Variants in ADGRG7 observed in about 807,000 individuals in gnomAD.
ADGRG7 encodes G-protein coupled receptor 128.
A neutral mutation model predicts 88.6 loss-of-function variants in ADGRG7; 82 were observed. That is an observed-to-expected ratio of 0.93 (90% confidence interval 0.77 to 1.11). ADGRG7 has a LOEUF of 1.11. Ranked by LOEUF, ADGRG7 falls within the 50% of genes most tolerant of loss-of-function variation. The probability of loss-of-function intolerance (pLI) is 0.00; values close to 1 mark genes in which losing one functional copy is unlikely to be tolerated. For synonymous variants in ADGRG7, 381 were observed against 345.2 expected (o/e 1.10, Z -1.15); for missense variants, 945 against 953.4 (o/e 0.99, Z 0.12).
In ADGRG7 at chr3:100,659,789, T is replaced by C. The variant is rs373950989; in HGVS notation, c.1925T>C (p.Met642Thr). 6.2e-6 allele frequency: 10 copies of C among 1,614,128 alleles called. No individual in the cohort carries two copies. The highest frequency in any genetic ancestry group is 1.3e-5 in the African/African-American group (1 of 75,058). ...ATTATCCTCATCAGCAATGTTGTTA[T>C]GTTTATTACAATCTCGATCAAAGTG... The part of the protein sequence containing the change: ...VTIILISNVV[M>T]FITISIKVLW... Residue 642 changes from methionine (M) to threonine (T), a missense_variant, in exon 14 of 16, where the codon ATG becomes ACG. Met to Thr is a moderately conservative substitution (Grantham distance 81). Coordinates refer to ENST00000273352, the MANE Select transcript of ADGRG7 (RefSeq NM_032787.3).
chr3:100,649,735 T>C lies in ADGRG7; in HGVS notation c.1307T>C (p.Ile436Thr), dbSNP rs372225356. ...KDYQYPKSLD[I>T]LSNVGCALSV... ...TATCAATATCCCAAATCACTTGACATATTATCCAACGTTGGATGTGCACTG... is the reference window on the plus strand; with the variant it reads ...TATCAATATCCCAAATCACTTGACACATTATCCAACGTTGGATGTGCACTG... The change falls in exon 11 of 16, where the codon ATA (isoleucine) becomes ACA (threonine). Residue 436 changes from isoleucine (I) to threonine (T), a missense_variant. Transcript: ENST00000273352. 3 of 1,610,316 alleles carry C rather than the reference T, an allele frequency of 1.9e-6. No homozygotes were observed. Among genetic ancestry groups the C allele is most frequent in the Non-Finnish European group, 2.5e-6 (3 of 1,177,176 alleles).
At chr3:100,677,858 A>G (rs1356536198) in intron 15 of ADGRG7, among the ~76,000 whole-genome samples, 3 of 151,874 alleles carry the variant, frequency 2.0e-5, no homozygotes, top group Non-Finnish European at 4.4e-5. Context: ...TCCTTTCTTT[A>G]TCCTTGACCT....
At chr3:100,617,104 C>A (rs752640271) in intron 1 of ADGRG7, among the ~76,000 whole-genome samples, 8 of 151,852 alleles carry the variant, frequency 5.3e-5, no homozygotes, top group Non-Finnish European at 1.2e-4. Context: ...AAAGCAAAAA[C>A]AAACCACATC....
At chr3:100,657,374 G>A (rs1476806328) in intron 13 of ADGRG7, among the ~76,000 whole-genome samples, 3 of 152,170 alleles carry the variant, frequency 2.0e-5, no homozygotes, top group African/African-American at 7.2e-5. Flanking sequence ...CTCCCCTGTT[G>A]CTCCCAGTTC....
intron 14 of ADGRG7, among the ~76,000 whole-genome samples, chr3:100,660,952 CAA>C (rs112296437): frequency 2.6e-4 from 25 of 96,852 alleles, no homozygotes; most frequent in Non-Finnish European, 3.0e-4. Context: ...AACTCCATCT[CAA>C]AAAAAAAAAA....
At chr3:100,633,225 T>C (rs920718137) in intron 3 of ADGRG7, 40 bp from the exon 4 acceptor site, 1 of 993,216 alleles carries the variant, frequency 1.0e-6, no homozygotes, top group Non-Finnish European at 1.4e-6. Flanking sequence ...ATAATTTTAA[T>C]AAATACTTAT....
intron 15 of ADGRG7, among the ~76,000 whole-genome samples, chr3:100,674,765 G>A (rs2094962818): frequency 6.6e-6 from 1 of 152,074 alleles, no homozygotes; most frequent in African/African-American, 2.4e-5. Flanking sequence ...TTTTAGTAGA[G>A]ACGGGGTTTC....
At chr3:100,683,111 G>A (rs1304429242) in intron 15 of ADGRG7, among the ~76,000 whole-genome samples, 1 of 152,152 alleles carries the variant, frequency 6.6e-6, no homozygotes, top group African/African-American at 2.4e-5. Flanking sequence ...GCGGCTGCAG[G>A]TGTCCTCTGA....
intron 15 of ADGRG7, among the ~76,000 whole-genome samples, chr3:100,674,844 T>A (rs1012833349): frequency 1.3e-5 from 2 of 152,238 alleles, no homozygotes; most frequent in Admixed American, 1.3e-4. Context: ...CCCAAAGTGC[T>A]GGGATTATAG....
chr3:100,695,207 A>T lies in ADGRG7; in HGVS notation c.*206A>T. ...TTTTCAATAGATTTGTACTTGAATA[A>T]GGTGAAGAATTTCACACAACATACA... On this transcript the variant is annotated 3_prime_UTR_variant, in exon 16 of 16. Transcript: ENST00000273352. The T allele has an allele frequency of 1.8e-6, 1 of 557,628 alleles. No individual in the cohort carries two copies. Among genetic ancestry groups the T allele is most frequent in the Non-Finnish European group, 3.1e-6 (1 of 320,238 alleles). 34.5% of individuals were successfully genotyped at this position (557,628 alleles called of 1,614,324 possible). A position where few individuals can be genotyped will look rare whatever the true frequency, so the allele number is the denominator to read the frequency against.
At chr3:100,692,031 A>C (rs1463382581) in intron 15 of ADGRG7, among the ~76,000 whole-genome samples, 1 of 152,228 alleles carries the variant, frequency 6.6e-6, no homozygotes, top group Non-Finnish European at 1.5e-5. Flanking sequence ...CGGTAACTAC[A>C]GTGTGAAGCT....
At chr3:100,635,897 A>T in intron 5 of ADGRG7, 71 bp downstream of exon 5, 1 of 1,117,734 alleles carries the variant, frequency 8.9e-7, no homozygotes, top group East Asian at 2.6e-5. Flanking sequence ...AGAAAGAGAG[A>T]TGTCCTGAAT....
chr3:100,646,212 G>GGAAAAAAAAAAA, intron 9 of ADGRG7, 104 bp downstream of exon 9: 1 of 617,448 alleles, frequency 1.6e-6, no homozygotes, highest in East Asian at 3.9e-5. Flanking sequence ...AAGAGAATAG[G>GGAAAAAAAAAAA]AGGGCGGGGG....
At position 100,629,580 on chromosome 3, in the gene ADGRG7, T is replaced by C. The variant is rs1411214250; in HGVS notation, c.116-18T>C. 1.9e-6 allele frequency: 3 copies of C among 1,559,706 alleles called. No individual in the cohort carries two copies. The highest frequency in any genetic ancestry group is 2.7e-5 in the African/African-American group (2 of 73,748). ...ATCAGCCAGTTCATGACTATTCTGT[T>C]ATTTATTGTTTCTTTAGGAAAATCT... is the stretch of plus-strand genomic sequence containing the variant. On this transcript the variant is annotated intron_variant, in intron 1 of 15. Transcript: ENST00000273352.
At chr3:100,612,849 C>A (rs1324578258) in intron 1 of ADGRG7, among the ~76,000 whole-genome samples, 1 of 152,096 alleles carries the variant, frequency 6.6e-6, no homozygotes, top group Non-Finnish European at 1.5e-5. Flanking sequence ...TATTCCCAAA[C>A]CCCAAGGTCT....
intron 1 of ADGRG7, among the ~76,000 whole-genome samples, chr3:100,616,847 C>A (rs1273213840): frequency 6.6e-6 from 1 of 152,018 alleles, no homozygotes; most frequent in African/African-American, 2.4e-5. Context: ...AAAGTCCCCC[C>A]TCCACACCCT....
At chr3:100,668,359 C>G (rs563149783) in intron 14 of ADGRG7, among the ~76,000 whole-genome samples, 164 of 152,246 alleles carry the variant, frequency 1.1e-3, no homozygotes, top group African/African-American at 3.7e-3. Context: ...TTAAACCAGC[C>G]CAGGCTTCTT....
chr3:100,687,125 T>A (rs2094984140), intron 15 of ADGRG7, among the ~76,000 whole-genome samples: 1 of 152,236 alleles, frequency 6.6e-6, no homozygotes, highest in Admixed American at 6.5e-5. Context: ...CCTAGGTATT[T>A]TATTCTCTTA....
At chr3:100,626,801 C>G (rs1251224617) in intron 1 of ADGRG7, among the ~76,000 whole-genome samples, 1 of 152,108 alleles carries the variant, frequency 6.6e-6, no homozygotes, top group Non-Finnish European at 1.5e-5. Context: ...AAAAAATTAT[C>G]TGAACAATGA....
Sources: gnomAD v4.1 joint callset for allele counts (sites outside exome capture counted in the v4.1 genomes callset) on GRCh38, gnomAD v4.1.1 for gene constraint, MANE v1.5 for transcripts, NCBI Gene and HGNC (gene_info 2026-07-23, HGNC 2026-07-21) for gene names.